SYNGR4: variants seen among roughly 807,000 people sequenced by gnomAD.
The protein encoded by SYNGR4 is synaptogyrin-4.
A neutral mutation model predicts 15.5 loss-of-function variants in SYNGR4; 15 were observed. That is an observed-to-expected ratio of 0.97 (90% CI 0.65 to 1.49). The LOEUF (loss-of-function observed/expected upper bound fraction) is 1.49. SYNGR4 is among the 40% of genes most tolerant of loss of function. The pLI is 0.00. For synonymous variants in SYNGR4, 121 were observed against 127.4 expected (o/e 0.95, Z 0.34); for missense variants, 292 against 299.3 (o/e 0.98, Z 0.18).
At position 48,370,582 on chromosome 19, in the gene SYNGR4, CAG is replaced by C. The variant is rs549190674; in HGVS notation, c.94-2934_94-2933del. Among the ~76,000 whole-genome samples the C allele has an allele frequency of 7.0e-4, 107 of 152,190 alleles. 1 individual carries two copies. The highest frequency in any genetic ancestry group is 2.5e-3 in the African/African-American group (103 of 41,534). On this transcript the variant is annotated intron_variant, in intron 2 of 4. Coordinates refer to ENST00000344846, the MANE Select transcript of SYNGR4 (RefSeq NM_012451.4). ...ATTTTCTTTTTCTTCTCTTTTGAGACAGGGTCTCACTCTGTTGCCCAGGCTGG... is the reference window on the plus strand; with the variant it reads ...ATTTTCTTTTTCTTCTCTTTTGAGACGGTCTCACTCTGTTGCCCAGGCTGG...
chr19:48,369,357 C>T (rs759102327), intron 2 of SYNGR4, among the ~76,000 whole-genome samples: 59 of 152,274 alleles, frequency 3.9e-4, no homozygotes, highest in Non-Finnish European at 6.8e-4. Context: ...TCCAGTGTCC[C>T]GGGCTCATGT....
intron 2 of SYNGR4, among the ~76,000 whole-genome samples, chr19:48,370,553 G>A (rs2147405568): frequency 6.6e-6 from 1 of 152,164 alleles, no homozygotes; most frequent in South Asian, 2.1e-4. Flanking sequence ...CTAACGAAGG[G>A]GAGATTTTCT....
rs1970400501 is a variant in SYNGR4, at chr19:48,376,180, C to T, written c.567C>T (p.Thr189=). 5 of 1,614,018 alleles carry T rather than the reference C, an allele frequency of 3.1e-6. No individual in the cohort carries two copies. The South Asian group carries it at 5.5e-5, about 18-fold the overall frequency. The change falls in exon 5 of 5, where the codon ACC becomes ACT. Residue 189 remains threonine (T), a synonymous_variant. Coordinates refer to ENST00000344846, the MANE Select transcript of SYNGR4 (RefSeq NM_012451.4). ...FLDEGGMVLT[T]LPLPSANSPV... ...ATGAGGGTGGCATGGTGCTGACCAC[C>T]CTCCCCTTGCCCTCTGCCAACAGCC...
rs150802614 is a variant in SYNGR4, at chr19:48,373,712, C to T, written c.289C>T (p.Arg97Cys). 5.5e-5 allele frequency: 89 copies of T among 1,614,040 alleles called. No individual in the cohort carries two copies. The East Asian group carries it at 1.6e-3, about 30-fold the overall frequency. The change falls in exon 3 of 5, where the codon CGC becomes TGC. Residue 97 changes from arginine (R) to cysteine (C), a missense_variant. Arg to Cys is a radical substitution (Grantham distance 180). Transcript: ENST00000344846. ...ACAGGAGACCCGCATTGCCGGCACCCGCTTCAAGACAGCCTTCCAGCTCCT... is the reference window on the plus strand; with the variant it reads ...ACAGGAGACCCGCATTGCCGGCACCTGCTTCAAGACAGCCTTCCAGCTCCT... ...DTQETRIAGT[R>C]FKTAFQLLDF...
Position 48,373,605 on chromosome 19 carries a change from G to A in SYNGR4, c.182G>A (p.Ser61Asn). Residue 61 changes from serine to asparagine, a missense_variant, in exon 3 of 5, where the codon AGC becomes AAC. By Grantham distance (46) the Ser-to-Asn change is conservative. Transcript: ENST00000344846. ...CCGCAGCTCCACTGCATTCTCAACA[G>A]CAACAGCGTGGCCTGCAGCTTTGCC... is the stretch of plus-strand genomic sequence containing the variant. ...ESPQLHCILN[S>N]NSVACSFAVG... is the part of the protein sequence containing the mutation. 6.2e-7 allele frequency: 1 copy of A among 1,613,788 alleles called. No individual in the cohort carries two copies. Among genetic ancestry groups the A allele is most frequent in the East Asian group, 2.2e-5 (1 of 44,888 alleles).
intron 2 of SYNGR4, among the ~76,000 whole-genome samples, chr19:48,372,666 G>A (rs1030959528): frequency 3.3e-5 from 5 of 151,750 alleles, no homozygotes; most frequent in African/African-American, 9.7e-5. Context: ...AAAAACAGAC[G>A]AGAGGGACAG....
chr19:48,370,415 C>T (rs1022139836), intron 2 of SYNGR4, among the ~76,000 whole-genome samples: 2 of 151,830 alleles, frequency 1.3e-5, no homozygotes, highest in African/African-American at 2.4e-5. Context: ...CCCAGGAGGT[C>T]GAGGCTGCAG....
intron 2 of SYNGR4, among the ~76,000 whole-genome samples, chr19:48,370,223 C>A (rs182065939): frequency 6.6e-6 from 1 of 152,168 alleles, no homozygotes; most frequent in Admixed American, 6.5e-5. Context: ...AGGTGGCTCA[C>A]GCCTGTAATC....
chr19:48,375,602 T>G lies in SYNGR4; in HGVS notation c.332-11T>G, dbSNP rs776111956. ...TCCCCCTGCCCCTTTTCTCTCCCTG[T>G]GACGCCACAGTTCTCTGGGCAGTTG... On this transcript the variant is annotated splice_polypyrimidine_tract_variant and intron_variant, in intron 3 of 4. Coordinates refer to ENST00000344846, the MANE Select transcript of SYNGR4 (RefSeq NM_012451.4). The G allele has an allele frequency of 1.9e-6, 3 of 1,607,422 alleles. No individual in the cohort carries two copies. The highest frequency in any genetic ancestry group is 1.1e-5 in the South Asian group (1 of 90,676).
chr19:48,375,859 G>A, intron 4 of SYNGR4, 107 bp downstream of exon 4: 1 of 1,532,624 alleles, frequency 6.5e-7, no homozygotes, highest in East Asian at 2.3e-5. Flanking sequence ...CTGGGGGTCA[G>A]GGGTCGGGGG....
chr19:48,372,983 A>G (rs1394173819), intron 2 of SYNGR4: 5 of 161,520 alleles, frequency 3.1e-5, no homozygotes, highest in African/African-American at 1.2e-4. Flanking sequence ...ACGACTGCAA[A>G]CACTGATTCA....
chr19:48,373,250 T>G, intron 2 of SYNGR4: 2 of 476,202 alleles, frequency 4.2e-6, no homozygotes, highest in Admixed American at 3.3e-5. Flanking sequence ...ATGGTGGAGA[T>G]GTGCTGAGGT....
chr19:48,367,962 C>A (rs936672911), intron 2 of SYNGR4, among the ~76,000 whole-genome samples: 15 of 152,198 alleles, frequency 9.9e-5, no homozygotes, highest in Non-Finnish European at 1.9e-4. Flanking sequence ...TTCCCCGGCT[C>A]AGACCCAGGG....
chr19:48,375,505 C>A, intron 3 of SYNGR4, 108 bp from the exon 4 acceptor site: 1 of 1,391,746 alleles, frequency 7.2e-7, no homozygotes, highest in Middle Eastern at 2.2e-4. Context: ...TTCAATACCT[C>A]GTGGAAGTTC....
chr19:48,365,362 GA>G, intron 1 of SYNGR4, among the ~76,000 whole-genome samples: 1 of 49,842 alleles, frequency 2.0e-5, no homozygotes, highest in African/African-American at 8.6e-5. Context: ...GGACCCCCCA[GA>G]ACCCCCATCC....
chr19:48,369,388 G>A (rs1970270805), intron 2 of SYNGR4, among the ~76,000 whole-genome samples: 1 of 152,120 alleles, frequency 6.6e-6, no homozygotes. Flanking sequence ...GGTTTTGGGG[G>A]TCAGTGGACA....
rs376913609 is a variant in SYNGR4 at position 48,373,829 on chromosome 19, C to T, written c.331+75C>T. On this transcript the variant is annotated intron_variant, in intron 3 of 4. Transcript: ENST00000344846. Reference sequence around the variant, plus strand: ...GCCCTCCTGGCTCCCCAGGGCCTCCCGGGCACAACCCTTCACCACCTAGCC... The same window carrying T: ...GCCCTCCTGGCTCCCCAGGGCCTCCTGGGCACAACCCTTCACCACCTAGCC... The T allele has an allele frequency of 5.2e-5, 76 of 1,461,368 alleles. No homozygotes were observed. The African/African-American group carries it at 8.1e-4, about 15-fold the overall frequency. The allele number at this position is 1,461,368 out of a possible 1,614,324, so 90.5% of individuals were successfully genotyped here. A position where few individuals can be genotyped will look rare whatever the true frequency, so the allele number is the denominator to read the frequency against.
Position 48,365,806 on chromosome 19 carries a change from TC to T in SYNGR4, c.-34del. On this transcript the variant is annotated 5_prime_UTR_variant, in exon 2 of 5. Transcript: ENST00000344846. ...AGCAGGCAGCGCCCAGCACCCTGGC[TC>T]CCACCTCCCAGTGGCCCCAAAGGAA... 1 of 1,610,256 alleles carries T rather than the reference TC, an allele frequency of 6.2e-7. No individual in the cohort carries two copies. Among genetic ancestry groups the T allele is most frequent in the South Asian group, 1.1e-5 (1 of 91,028 alleles).
At chr19:48,368,398 T>G (rs868269188) in intron 2 of SYNGR4, among the ~76,000 whole-genome samples, 5 of 152,320 alleles carry the variant, frequency 3.3e-5, no homozygotes, top group African/African-American at 1.2e-4. Flanking sequence ...TTCTTTCTTT[T>G]TTTTGAGACA....
Sources: allele counts gnomAD v4.1 joint callset (sites outside exome capture counted in the v4.1 genomes callset), GRCh38; gene constraint gnomAD v4.1.1; transcripts MANE v1.5; gene names NCBI Gene and HGNC (gene_info 2026-07-23, HGNC 2026-07-21).